NKAIN2: variants seen among roughly 807,000 people sequenced by gnomAD.
NKAIN2 encodes sodium/potassium transporting ATPase interacting 2, also known as sodium/potassium-transporting ATPase subunit beta-1-interacting protein 2.
A neutral mutation model predicts 32.6 loss-of-function variants in NKAIN2; 14 were observed. The observed-to-expected ratio is 0.43, with a 90% CI of 0.28 to 0.67. The LOEUF (loss-of-function observed/expected upper bound fraction) is 0.67. NKAIN2 is among the 30% of genes least tolerant of loss of function. The pLI is 0.17. For missense variants in NKAIN2, 198 were observed against 258.3 expected (o/e 0.77, Z 1.60); for synonymous variants, 80 against 87.2 (o/e 0.92, Z 0.46).
At chr6:124,126,212 A>G (rs956496685) in intron 1 of NKAIN2, among the ~76,000 whole-genome samples, 1 of 151,352 alleles carries the variant, frequency 6.6e-6, no homozygotes. Context: ...TCCCTCTAAT[A>G]CTCTAGCTCC....
At chr6:124,067,806 T>A (rs1355962577) in intron 1 of NKAIN2, among the ~76,000 whole-genome samples, 6 of 152,204 alleles carry the variant, frequency 3.9e-5, no homozygotes, top group Non-Finnish European at 8.8e-5. Context: ...ACAGGGCAAA[T>A]GTGTGGATTA....
At position 123,804,124 on chromosome 6, in the gene NKAIN2, C is replaced by T. The variant is rs192356647; in HGVS notation, c.-77C>T. On this transcript the variant is annotated 5_prime_UTR_variant, in exon 1 of 7. Transcript: ENST00000368417. ...CGGCAGGTTTGCGTGTCCTTCCCCG[C>T]GATCTGATTGGATAAAGTGGGGGCT... is the stretch of plus-strand genomic sequence containing the variant. 14 of 1,361,114 alleles carry T rather than the reference C, an allele frequency of 1.0e-5. No individual in the cohort carries two copies. The highest frequency in any genetic ancestry group is 2.3e-5 in the South Asian group (2 of 86,130). The allele number at this position is 1,361,114 out of a possible 1,614,324, so 84.3% of individuals were successfully genotyped here.
intron 1 of NKAIN2, among the ~76,000 whole-genome samples, chr6:123,865,779 A>G (rs1382982827): frequency 6.6e-6 from 1 of 152,202 alleles, no homozygotes; most frequent in Non-Finnish European, 1.5e-5. Flanking sequence ...GGTTGGAACA[A>G]TCAAAGAGAA....
At chr6:123,868,390 T>G (rs1772691474) in intron 1 of NKAIN2, among the ~76,000 whole-genome samples, 1 of 152,176 alleles carries the variant, frequency 6.6e-6, no homozygotes, top group Admixed American at 6.5e-5. Context: ...CACAGGACCA[T>G]TTTTCCATAA....
chr6:124,593,544 G>A (rs372275387), intron 3 of NKAIN2, among the ~76,000 whole-genome samples: 5 of 152,122 alleles, frequency 3.3e-5, no homozygotes, highest in South Asian at 2.1e-4. Context: ...AAGAGGAAGC[G>A]ATACTTCCTT....
intron 1 of NKAIN2, among the ~76,000 whole-genome samples, chr6:124,081,705 T>C (rs77338158): frequency 0.029 from 4,468 of 152,118 alleles, 203 homozygotes; most frequent in African/African-American, 0.099. Flanking sequence ...TTGAAAATAT[T>C]GGGAATCAAA....
chr6:123,872,946 A>G (rs571239565), intron 1 of NKAIN2, among the ~76,000 whole-genome samples: 4 of 152,292 alleles, frequency 2.6e-5, no homozygotes, highest in African/African-American at 9.6e-5. Context: ...CGTTTTAAGA[A>G]CACCCTATTA....
chr6:123,845,884 T>C (rs1480622634), intron 1 of NKAIN2, among the ~76,000 whole-genome samples: 2 of 152,224 alleles, frequency 1.3e-5, no homozygotes, highest in Admixed American at 6.5e-5. Flanking sequence ...TTTGAGTTTC[T>C]ATTATTCATC....
At chr6:124,497,944 A>T (rs2114740288) in intron 3 of NKAIN2, among the ~76,000 whole-genome samples, 1 of 152,102 alleles carries the variant, frequency 6.6e-6, no homozygotes, top group African/African-American at 2.4e-5. Flanking sequence ...ACTAAGGGAA[A>T]CCTGACCATG....
At chr6:124,323,510 G>A (rs1169743676) in intron 2 of NKAIN2, among the ~76,000 whole-genome samples, 4 of 151,974 alleles carry the variant, frequency 2.6e-5, no homozygotes, top group African/African-American at 4.8e-5. Context: ...TACTGCATGT[G>A]GATATTTAAT....
intron 3 of NKAIN2, among the ~76,000 whole-genome samples, chr6:124,442,312 C>T (rs1054304981): frequency 6.6e-6 from 1 of 151,964 alleles, no homozygotes; most frequent in African/African-American, 2.4e-5. Flanking sequence ...ATTGCACCTC[C>T]CCACTAAATT....
At chr6:124,250,250 C>A (rs1793634458) in intron 1 of NKAIN2, among the ~76,000 whole-genome samples, 1 of 152,080 alleles carries the variant, frequency 6.6e-6, no homozygotes, top group African/African-American at 2.4e-5. Flanking sequence ...GTGAAAAATA[C>A]ATTTCTGTTC....
intron 1 of NKAIN2, among the ~76,000 whole-genome samples, chr6:123,943,372 T>G (rs1430754620): frequency 6.6e-6 from 1 of 152,052 alleles, no homozygotes; most frequent in Non-Finnish European, 1.5e-5. Flanking sequence ...TCTTGTGACT[T>G]GTGTTATTAT....
At chr6:124,548,475 C>G (rs1780173586) in intron 3 of NKAIN2, among the ~76,000 whole-genome samples, 1 of 152,106 alleles carries the variant, frequency 6.6e-6, no homozygotes, top group Non-Finnish European at 1.5e-5. Flanking sequence ...GCATGATATT[C>G]CAGTGATATA....
chr6:124,153,258 C>A (rs190368822), intron 1 of NKAIN2, among the ~76,000 whole-genome samples: 1 of 151,528 alleles, frequency 6.6e-6, no homozygotes, highest in Non-Finnish European at 1.5e-5. Flanking sequence ...ACATGCAACC[C>A]CAGAATGCAT....
chr6:124,370,381 A>G (rs896016894), intron 3 of NKAIN2, among the ~76,000 whole-genome samples: 2 of 152,036 alleles, frequency 1.3e-5, no homozygotes, highest in Non-Finnish European at 2.9e-5. Flanking sequence ...GCAATCAGAA[A>G]GGCATCTTAG....
chr6:124,812,324 C>T (rs969261418), intron 5 of NKAIN2, among the ~76,000 whole-genome samples: 1 of 152,196 alleles, frequency 6.6e-6, no homozygotes, highest in East Asian at 1.9e-4. Context: ...ATCTTCTGTG[C>T]TCCAATCAAT....
At chr6:124,517,866 C>A (rs1011968638) in intron 3 of NKAIN2, among the ~76,000 whole-genome samples, 35 of 152,122 alleles carry the variant, frequency 2.3e-4, no homozygotes, top group Non-Finnish European at 3.4e-4. Flanking sequence ...TACTATCTTC[C>A]ATTAATTTAT....
intron 2 of NKAIN2, among the ~76,000 whole-genome samples, chr6:124,301,318 G>A (rs1796283359): frequency 6.6e-6 from 1 of 152,222 alleles, no homozygotes; most frequent in Non-Finnish European, 1.5e-5. Flanking sequence ...TTCAGAGGAT[G>A]TATGGAAATG....
Sources: allele counts gnomAD v4.1 joint callset (sites outside exome capture counted in the v4.1 genomes callset), GRCh38; gene constraint gnomAD v4.1.1; transcripts MANE v1.5; gene names NCBI Gene and HGNC (gene_info 2026-07-23, HGNC 2026-07-21).